DIP2C: variants seen among roughly 807,000 people sequenced by gnomAD.
DIP2C encodes the protein disco-interacting protein 2 homolog C.
In DIP2C, 33 loss-of-function variants were observed where a neutral mutation model predicts 192.4. The observed-to-expected ratio is 0.17, with a 90% confidence interval of 0.13 to 0.23. DIP2C has a LOEUF of 0.23. Ranked by LOEUF, DIP2C falls within the 10% of genes least tolerant of loss-of-function variation. The probability of loss-of-function intolerance (pLI) is 1.00; values close to 1 mark genes in which losing one functional copy is unlikely to be tolerated. For synonymous variants in DIP2C, 979 were observed against 864.1 expected (o/e 1.13, Z -2.33); for missense variants, 1,537 against 2,110.1 (o/e 0.73, Z 5.32).
chr10:535,011 G>C (rs1847618880), intron 1 of DIP2C, among the ~76,000 whole-genome samples: 1 of 152,162 alleles, frequency 6.6e-6, no homozygotes. Flanking sequence ...ACTCTTAAGA[G>C]CTCGGTGTAC....
At chr10:428,735 C>G (rs925779194) in intron 4 of DIP2C, among the ~76,000 whole-genome samples, 1 of 152,084 alleles carries the variant, frequency 6.6e-6, no homozygotes, top group African/African-American at 2.4e-5. Flanking sequence ...GCTCTTTTCT[C>G]TTTTCCTTCT....
chr10:399,151 G>C lies in DIP2C; in HGVS notation c.1218C>G (p.Ala406=), dbSNP rs775368848. ...CCTCGATGGGCACGGGGACCACCTC[G>C]GCCAGCAGGCAGCCGTAGAAAGCCG... The part of the protein sequence containing the change: ...FMAAFYGCLL[A]EVVPVPIEVP... The change falls in exon 10 of 37, where the codon GCC becomes GCG. Residue 406 remains alanine (A), a synonymous_variant. Transcript: ENST00000280886. 1.8e-5 allele frequency: 29 copies of C among 1,613,958 alleles called. No homozygotes were observed. The highest frequency in any genetic ancestry group is 2.5e-5 in the Non-Finnish European group (29 of 1,180,022).
intron 1 of DIP2C, among the ~76,000 whole-genome samples, chr10:613,465 A>G (rs532965462): frequency 6.6e-6 from 1 of 152,370 alleles, no homozygotes; most frequent in South Asian, 2.1e-4. Flanking sequence ...TCCGATTTGG[A>G]GGGAACTCAA....
At chr10:566,778 A>G (rs1849490178) in intron 1 of DIP2C, among the ~76,000 whole-genome samples, 1 of 152,204 alleles carries the variant, frequency 6.6e-6, no homozygotes, top group African/African-American at 2.4e-5. Flanking sequence ...GGCCCATCGG[A>G]CAGACAGCCT....
intron 1 of DIP2C, among the ~76,000 whole-genome samples, chr10:546,350 CTT>C (rs1848287371): frequency 6.6e-6 from 1 of 151,594 alleles, no homozygotes; most frequent in South Asian, 2.1e-4. Flanking sequence ...ACAGCACAGT[CTT>C]AAAGAAAAAA....
intron 1 of DIP2C, among the ~76,000 whole-genome samples, chr10:547,010 AAAG>A (rs1848318976): frequency 6.6e-6 from 1 of 152,348 alleles, no homozygotes. Context: ...TTCTTTAGAT[AAAG>A]AAGGCCATTA....
Position 674,789 on chromosome 10 carries a change from T to TATAGAGAG in DIP2C, c.85+14704_85+14705insCTCTCTAT. Among the ~76,000 whole-genome samples the TATAGAGAG allele has an allele frequency of 4.5e-3, 282 of 62,486 alleles. 2 individuals are homozygous for TATAGAGAG. Among genetic ancestry groups the TATAGAGAG allele is most frequent in the African/African-American group, 5.5e-3 (61 of 11,058 alleles). 41.0% of individuals were successfully genotyped at this position (62,486 alleles called of 152,430 possible). On this transcript the variant is annotated intron_variant, in intron 1 of 36. Transcript: ENST00000280886. ...CATCTCAAATATATATATATATATATAGAGAGAGAGAGAGAGAGAGAGAGA... is the reference window on the plus strand; with the variant it reads ...CATCTCAAATATATATATATATATATATAGAGAGAGAGAGAGAGAGAGAGAGAGAGAGA...
intron 1 of DIP2C, among the ~76,000 whole-genome samples, chr10:639,016 G>A (rs1247797755): frequency 1.3e-5 from 2 of 152,220 alleles, no homozygotes; most frequent in African/African-American, 4.8e-5. Context: ...CACAATCCTG[G>A]ACCCTCCTCC....
At chr10:594,673 G>C (rs1851600998) in intron 1 of DIP2C, among the ~76,000 whole-genome samples, 1 of 152,170 alleles carries the variant, frequency 6.6e-6, no homozygotes, top group Non-Finnish European at 1.5e-5. Flanking sequence ...CTTCCTGACA[G>C]GAAGGCCCAA....
intron 18 of DIP2C, among the ~76,000 whole-genome samples, chr10:367,217 A>G (rs927463167): frequency 4.6e-5 from 7 of 152,294 alleles, no homozygotes; most frequent in East Asian, 1.9e-4. Flanking sequence ...GGAGATCGAG[A>G]CCATCCTGGC....
intron 4 of DIP2C, among the ~76,000 whole-genome samples, chr10:432,854 T>C (rs549755228): frequency 1.2e-3 from 176 of 152,372 alleles, no homozygotes; most frequent in African/African-American, 3.9e-3. Context: ...TTTCATTTAC[T>C]TCAAAACTTT....
chr10:672,135 A>ACATGGACGGAGGAAACAGGCCACAGACG (rs1035855285), intron 1 of DIP2C, among the ~76,000 whole-genome samples: 2 of 149,832 alleles, frequency 1.3e-5, no homozygotes, highest in Admixed American at 1.3e-4. Context: ...CGTCATAGAC[A>ACATGGACGGAGGAAACAGGCCACAGACG]CATGGACGGA....
chr10:365,020 T>C (rs776588434), intron 19 of DIP2C: 7 of 531,800 alleles, frequency 1.3e-5, no homozygotes, highest in Middle Eastern at 3.2e-4. Flanking sequence ...GTTGGAAGTA[T>C]GCTGAAAAGA....
intron 1 of DIP2C, among the ~76,000 whole-genome samples, chr10:679,568 C>G (rs1312079350): frequency 1.4e-4 from 12 of 83,742 alleles, no homozygotes; most frequent in African/African-American, 1.7e-4. Flanking sequence ...CCGCACCCAT[C>G]CTCCCCCCAC....
chr10:531,608 G>C (rs532856867), intron 1 of DIP2C, among the ~76,000 whole-genome samples: 4 of 152,174 alleles, frequency 2.6e-5, no homozygotes, highest in Admixed American at 1.3e-4. Flanking sequence ...GGTAAAGGCC[G>C]AGCTCGGGAA....
At chr10:447,405 C>A (rs1252043304) in intron 3 of DIP2C, among the ~76,000 whole-genome samples, 2 of 149,488 alleles carry the variant, frequency 1.3e-5, no homozygotes, top group African/African-American at 5.0e-5. Flanking sequence ...AGTGGGGCAG[C>A]AGGACCCACT....
At chr10:549,247 CT>C (rs887678972) in intron 1 of DIP2C, among the ~76,000 whole-genome samples, 1 of 151,906 alleles carries the variant, frequency 6.6e-6, no homozygotes, top group Non-Finnish European at 1.5e-5. Flanking sequence ...CTTTTTAGAC[CT>C]TTTTTCCCCA....
At chr10:355,169 G>T (rs1267850420) in intron 24 of DIP2C, among the ~76,000 whole-genome samples, 1 of 152,196 alleles carries the variant, frequency 6.6e-6, no homozygotes, top group Non-Finnish European at 1.5e-5. Flanking sequence ...AGGGCCAGAA[G>T]GTGGTGGCAG....
rs895304532 is a variant in DIP2C at position 454,248 on chromosome 10, G to A, written c.269-13252C>T. ...TTCAGGATCAGCTTCATGCAGCATTGAATAAATCACTATTGCTAGTGAAGA... is the reference window on the plus strand; with the variant it reads ...TTCAGGATCAGCTTCATGCAGCATTAAATAAATCACTATTGCTAGTGAAGA... On this transcript the variant is annotated intron_variant, in intron 3 of 36. Transcript: ENST00000280886. Among the ~76,000 whole-genome samples the A allele has an allele frequency of 3.3e-5, 5 of 152,158 alleles. No individual in the cohort carries two copies. In the South Asian group the frequency reaches 6.2e-4, roughly 19 times the overall value.
Sources: gnomAD v4.1 joint callset for allele counts (sites outside exome capture counted in the v4.1 genomes callset) on GRCh38, gnomAD v4.1.1 for gene constraint, MANE v1.5 for transcripts, NCBI Gene and HGNC (gene_info 2026-07-23, HGNC 2026-07-21) for gene names.